GRID1: variants seen among roughly 807,000 people sequenced by gnomAD.
The protein encoded by GRID1 is glutamate ionotropic receptor delta type subunit 1.
GRID1 carries 28 observed loss-of-function variants against 98.0 expected under a neutral mutation model. The ratio of observed to expected loss-of-function variants is 0.29; its 90% CI spans 0.21 to 0.39. The LOEUF (loss-of-function observed/expected upper bound fraction) is 0.39. Ranked by LOEUF, GRID1 falls within the 10% of genes least tolerant of loss-of-function variation. The pLI is 1.00. For missense variants in GRID1, 1,111 were observed against 1,340.5 expected (o/e 0.83, Z 2.67); for synonymous variants, 553 against 538.5 (o/e 1.03, Z -0.37).
intron 5 of GRID1, among the ~76,000 whole-genome samples, chr10:85,904,535 C>T (rs1201383120): frequency 1.3e-5 from 2 of 151,928 alleles, no homozygotes; most frequent in Non-Finnish European, 2.9e-5. Flanking sequence ...CAGAGGGTCC[C>T]CCATGACAAT....
intron 2 of GRID1, among the ~76,000 whole-genome samples, chr10:86,306,384 C>G (rs1847759130): frequency 6.6e-6 from 1 of 152,222 alleles, no homozygotes; most frequent in Non-Finnish European, 1.5e-5. Context: ...GTAACATTCC[C>G]CAATAGCTTC....
intron 2 of GRID1, among the ~76,000 whole-genome samples, chr10:86,300,160 G>T (rs1166687190): frequency 1.3e-5 from 2 of 151,964 alleles, no homozygotes; most frequent in African/African-American, 4.8e-5. Flanking sequence ...GAAAATGGGG[G>T]ATGCATCTAC....
intron 12 of GRID1, among the ~76,000 whole-genome samples, chr10:85,716,665 AT>A (rs1469384637): frequency 4.0e-5 from 6 of 148,416 alleles, no homozygotes; most frequent in Non-Finnish European, 8.9e-5. Flanking sequence ...TACAATGTAC[AT>A]AATGTAATTA....
intron 2 of GRID1, among the ~76,000 whole-genome samples, chr10:86,277,141 G>A (rs1374928928): frequency 6.6e-6 from 1 of 152,110 alleles, no homozygotes; most frequent in African/African-American, 2.4e-5. Flanking sequence ...GATGGAGGGT[G>A]GTGAAGGCTG....
chr10:86,224,892 T>C (rs568768675), intron 2 of GRID1, among the ~76,000 whole-genome samples: 411 of 152,286 alleles, frequency 2.7e-3, no homozygotes, highest in Middle Eastern at 0.017. Context: ...AGCCGGGGCA[T>C]TATCACTCTG....
rs55885147 is a variant in GRID1 at position 85,882,740 on chromosome 10, T to G, written c.781-13560A>C. The stretch of plus-strand genomic sequence containing the variant: ...ATACATATGTAACAAACGTGCACAT[T>G]GTGCACATGTACCCTAAAACTTAAA... On this transcript the variant is annotated intron_variant, in intron 5 of 15. Coordinates refer to ENST00000327946, the MANE Select transcript of GRID1 (RefSeq NM_017551.3). Among the ~76,000 whole-genome samples the G allele has an allele frequency of 3.7e-3, 558 of 152,298 alleles. 10 individuals are homozygous for G. Among genetic ancestry groups the G allele is most frequent in the South Asian group, 0.021 (102 of 4,816 alleles).
At chr10:86,015,576 G>A (rs895035218) in intron 4 of GRID1, among the ~76,000 whole-genome samples, 2 of 152,342 alleles carry the variant, frequency 1.3e-5, no homozygotes, top group Non-Finnish European at 2.9e-5. Flanking sequence ...TGGAGGAAGT[G>A]GCAGGGCGAG....
chr10:85,982,776 C>T (rs1842561766), intron 4 of GRID1, among the ~76,000 whole-genome samples: 1 of 152,190 alleles, frequency 6.6e-6, no homozygotes, highest in Admixed American at 6.5e-5. Flanking sequence ...TTTCCCCATC[C>T]GCTATCATCT....
At chr10:85,624,985 C>A (rs1325796908) in intron 13 of GRID1, among the ~76,000 whole-genome samples, 5 of 151,876 alleles carry the variant, frequency 3.3e-5, no homozygotes, top group African/African-American at 1.2e-4. Flanking sequence ...AAAGACTTTA[C>A]AAAAACACTA....
At chr10:86,322,921 G>A (rs1418957630) in intron 2 of GRID1, among the ~76,000 whole-genome samples, 3 of 148,648 alleles carry the variant, frequency 2.0e-5, no homozygotes, top group Non-Finnish European at 3.0e-5. Context: ...GTGAAACCCC[G>A]TCTCTACTAA....
intron 2 of GRID1, among the ~76,000 whole-genome samples, chr10:86,268,869 T>G (rs1200120318): frequency 2.0e-5 from 3 of 152,146 alleles, no homozygotes. Context: ...CACATGCCTG[T>G]AGTCCCAGCT....
intron 3 of GRID1, among the ~76,000 whole-genome samples, chr10:86,160,962 G>C (rs1344846873): frequency 1.3e-5 from 2 of 152,208 alleles, no homozygotes; most frequent in Non-Finnish European, 2.9e-5. Context: ...ATCCTGCCTT[G>C]ATCTCTCAGC....
intron 5 of GRID1, among the ~76,000 whole-genome samples, chr10:85,911,952 A>G (rs1446386350): frequency 6.6e-6 from 1 of 152,198 alleles, no homozygotes; most frequent in Admixed American, 6.5e-5. Context: ...CTAATGAATG[A>G]CCCAGAGAGG....
chr10:85,634,291 TCACA>T (rs1554860994), intron 13 of GRID1, among the ~76,000 whole-genome samples: 4,634 of 102,958 alleles, frequency 0.045, 97 homozygotes, highest in African/African-American at 0.094. Flanking sequence ...TCTCTCTCTC[TCACA>T]CACACACACA....
intron 2 of GRID1, among the ~76,000 whole-genome samples, chr10:86,259,185 C>G (rs992745213): frequency 6.6e-6 from 1 of 152,220 alleles, no homozygotes; most frequent in African/African-American, 2.4e-5. Flanking sequence ...GAAGCTGTTT[C>G]CTTTGACGAC....
intron 14 of GRID1, among the ~76,000 whole-genome samples, chr10:85,618,035 T>A (rs1842812171): frequency 6.6e-6 from 1 of 152,164 alleles, no homozygotes; most frequent in African/African-American, 2.4e-5. Flanking sequence ...CTCCACCTTC[T>A]CCAGGTTGAG....
At chr10:85,813,208 AAT>A (rs925903661) in intron 8 of GRID1, among the ~76,000 whole-genome samples, 4 of 150,528 alleles carry the variant, frequency 2.7e-5, no homozygotes, top group Non-Finnish European at 5.9e-5. Flanking sequence ...AATTTGATAA[AAT>A]ATATATATAT....
chr10:85,993,716 GC>G (rs1842708399), intron 4 of GRID1, among the ~76,000 whole-genome samples: 2 of 152,240 alleles, frequency 1.3e-5, no homozygotes, highest in Non-Finnish European at 2.9e-5. Context: ...CTTCATGTGA[GC>G]CTATGGCTAA....
chr10:86,153,951 C>T (rs1482933999), intron 3 of GRID1, among the ~76,000 whole-genome samples: 2 of 152,186 alleles, frequency 1.3e-5, no homozygotes, highest in African/African-American at 2.4e-5. Context: ...ATACCATCCT[C>T]GGGCTGATCC....
Sources: gnomAD v4.1 joint callset for allele counts (sites outside exome capture counted in the v4.1 genomes callset) on GRCh38, gnomAD v4.1.1 for gene constraint, MANE v1.5 for transcripts, NCBI Gene and HGNC (gene_info 2026-07-23, HGNC 2026-07-21) for gene names.